DBI: variants seen among roughly 807,000 people sequenced by gnomAD.
DBI encodes acyl-CoA-binding protein.
In DBI, 12 loss-of-function variants were observed where a neutral mutation model predicts 13.0. The ratio of observed to expected loss-of-function variants is 0.92; its 90% CI spans 0.59 to 1.49. The LOEUF (loss-of-function observed/expected upper bound fraction) is 1.49. Ranked by LOEUF, DBI falls within the 40% of genes most tolerant of loss-of-function variation. DBI has a pLI of 0.00. For synonymous variants in DBI, 37 were observed against 37.4 expected (o/e 0.99, Z 0.04); for missense variants, 95 against 104.8 (o/e 0.91, Z 0.41).
At chr2:119,367,115 G>A in intron 1 of DBI, 55 bp downstream of exon 1, 1 of 1,609,726 alleles carries the variant, frequency 6.2e-7, no homozygotes, top group Non-Finnish European at 8.5e-7. Flanking sequence ...AGGCCCGTTG[G>A]GGGCTCAGCC....
chr2:119,371,071 T>A (rs1486985030), intron 3 of DBI, among the ~76,000 whole-genome samples: 1 of 152,080 alleles, frequency 6.6e-6, no homozygotes, highest in African/African-American at 2.4e-5. Flanking sequence ...GTTTGGGAAA[T>A]GATGTAGTTG....
At chr2:119,367,429 G>T (rs765881928) in intron 1 of DBI, 2 of 1,529,600 alleles carry the variant, frequency 1.3e-6, no homozygotes, top group Admixed American at 2.0e-5. Flanking sequence ...GCGGCGGAGT[G>T]GGGAAGCGAG....
At chr2:119,367,793 C>T in intron 1 of DBI, 1 of 1,610,872 alleles carries the variant, frequency 6.2e-7, no homozygotes, top group Non-Finnish European at 8.5e-7. Context: ...GCTGCAGCCC[C>T]GGCCACTCCC....
chr2:119,370,207 T>A (rs1206001516), intron 2 of DBI: 1 of 152,234 alleles, frequency 6.6e-6, no homozygotes, highest in African/African-American at 2.4e-5. Flanking sequence ...AAAGTCATCA[T>A]ATAACTTAAA....
rs758198856 is a variant in DBI at position 119,367,025 on chromosome 2, C to T, written c.-27C>T. On this transcript the variant is annotated 5_prime_UTR_variant, in exon 1 of 4. Coordinates refer to ENST00000355857, the MANE Select transcript of DBI (RefSeq NM_001079862.4). ...CTGGTCCTCGCCTCCTCCGCTGTCT[C>T]CCTGGAGTTCTTGCAAGTCGGCCAG... is the stretch of plus-strand genomic sequence containing the variant. 3.1e-6 allele frequency: 5 copies of T among 1,613,906 alleles called. No homozygotes were observed. In the African/African-American group the frequency reaches 5.3e-5, roughly 17 times the overall value.
At chr2:119,371,549 C>A (rs1263319091) in intron 3 of DBI, among the ~76,000 whole-genome samples, 1 of 152,214 alleles carries the variant, frequency 6.6e-6, no homozygotes, top group Admixed American at 6.5e-5. Flanking sequence ...CATTTCCATA[C>A]CATCCTCAGG....
At chr2:119,369,551 G>T (rs1175434034) in intron 2 of DBI, among the ~76,000 whole-genome samples, 1 of 152,208 alleles carries the variant, frequency 6.6e-6, no homozygotes, top group Non-Finnish European at 1.5e-5. Flanking sequence ...ACTTTGGGAG[G>T]CCGAAGCAAG....
chr2:119,367,271 C>G (rs1681078702), intron 1 of DBI: 3 of 1,436,900 alleles, frequency 2.1e-6, no homozygotes, highest in Middle Eastern at 2.2e-4. Context: ...CCGCAACTGC[C>G]GGAAAGTTGC....
intron 2 of DBI, chr2:119,370,531 T>C (rs1681436832): frequency 2.5e-6 from 1 of 403,646 alleles, no homozygotes; most frequent in African/African-American, 2.0e-5. Context: ...ATAAGAATAC[T>C]GTTCTTCCTA....
intron 1 of DBI, 35 bp from the exon 2 acceptor site, chr2:119,368,153 G>T (rs370158810): frequency 6.3e-7 from 1 of 1,579,604 alleles, no homozygotes; most frequent in African/African-American, 1.3e-5. Flanking sequence ...CCACCCAGAG[G>T]AGGCCCTCAA....
rs370178865 is a variant in DBI at position 119,368,445 on chromosome 2, G to A, written c.127+140G>A. On this transcript the variant is annotated intron_variant, in intron 2 of 3. Transcript: ENST00000355857. ...GGGGTATGGTGATGGTTCCTGAGGT[G>A]GAAAAGACCATGTTCCGGATTCTCA... 3 of 673,952 alleles carry A rather than the reference G, an allele frequency of 4.5e-6. No homozygotes were observed. In the African/African-American group the frequency reaches 5.3e-5, roughly 12 times the overall value. 41.7% of individuals were successfully genotyped at this position (673,952 alleles called of 1,614,324 possible). A position where few individuals can be genotyped will look rare whatever the true frequency, so the allele number is the denominator to read the frequency against.
At chr2:119,368,030 G>C in intron 1 of DBI, 158 bp from the exon 2 acceptor site, 1 of 1,578,224 alleles carries the variant, frequency 6.3e-7, no homozygotes, top group Non-Finnish European at 8.7e-7. Context: ...TGTTGGGGCA[G>C]GGAGGGGCAG....
chr2:119,370,339 T>C (rs2104694311), intron 2 of DBI: 1 of 155,816 alleles, frequency 6.4e-6, no homozygotes, highest in South Asian at 2.0e-4. Context: ...CATTAATGAT[T>C]AGGGAGAGAA....
intron 2 of DBI, chr2:119,370,094 A>T (rs1479079044): frequency 6.6e-6 from 1 of 152,128 alleles, no homozygotes; most frequent in Non-Finnish European, 1.5e-5. Context: ...ACGGACTCTG[A>T]TTGTTCCCTG....
chr2:119,369,761 G>A (rs923265791), intron 2 of DBI, among the ~76,000 whole-genome samples: 2 of 151,984 alleles, frequency 1.3e-5, no homozygotes, highest in African/African-American at 4.8e-5. Context: ...ACTCCAGCCT[G>A]GGCAACAGAA....
At chr2:119,367,113 T>A in intron 1 of DBI, 53 bp downstream of exon 1, 1 of 1,610,708 alleles carries the variant, frequency 6.2e-7, no homozygotes, top group Non-Finnish European at 8.5e-7. Flanking sequence ...GGAGGCCCGT[T>A]GGGGGCTCAG....
intron 2 of DBI, among the ~76,000 whole-genome samples, chr2:119,369,251 G>C (rs1182333981): frequency 6.6e-6 from 1 of 152,216 alleles, no homozygotes; most frequent in African/African-American, 2.4e-5. Flanking sequence ...GGAGGCCAGA[G>C]GTGCCAAGAT....
rs760114471 is a variant in DBI at position 119,367,067 on chromosome 2, C to A, written c.9+7C>A. 3.1e-6 allele frequency: 5 copies of A among 1,614,014 alleles called. No individual in the cohort carries two copies. The South Asian group carries it at 3.3e-5, about 11-fold the overall frequency. Reference sequence around the variant, plus strand: ...GTCGGCCAGGATGTCTCAGGTACAGCGCGTGCACAGCCAGGCTGCGAAGGT... The same window carrying A: ...GTCGGCCAGGATGTCTCAGGTACAGAGCGTGCACAGCCAGGCTGCGAAGGT... On this transcript the variant is annotated splice_region_variant and intron_variant, in intron 1 of 3. Transcript: ENST00000355857.
intron 2 of DBI, chr2:119,368,617 TGA>T (rs1681267797): frequency 3.6e-6 from 1 of 279,326 alleles, no homozygotes; most frequent in Admixed American, 4.4e-5. Flanking sequence ...GTATCATTGT[TGA>T]GCCGTTCAGC....
Sources: allele counts gnomAD v4.1 joint callset (sites outside exome capture counted in the v4.1 genomes callset), GRCh38; gene constraint gnomAD v4.1.1; transcripts MANE v1.5; gene names NCBI Gene and HGNC (gene_info 2026-07-23, HGNC 2026-07-21).